The following CRACD variants were observed in gnomAD, a reference collection of about 807,000 sequenced individuals.
CRACD encodes the protein capping protein inhibiting regulator of actin dynamics.
In CRACD, 56 loss-of-function variants were observed where a neutral mutation model predicts 106.8. The ratio of observed to expected loss-of-function variants is 0.52; its 90% CI spans 0.42 to 0.66. CRACD has a LOEUF of 0.66. CRACD is among the 30% of genes least tolerant of loss of function. The pLI, the probability that CRACD is intolerant of heterozygous loss-of-function variation, is 0.00. For missense variants in CRACD, 1,730 were observed against 1,623.2 expected, an observed-to-expected ratio of 1.07 and a Z score of -1.13; for synonymous variants, 754 against 670.8, an observed-to-expected ratio of 1.12 and a Z score of -1.92.
At chr4:56,088,723 T>C (rs981218782) in intron 1 of CRACD, among the ~76,000 whole-genome samples, 12 of 152,186 alleles carry the variant, frequency 7.9e-5, no homozygotes, top group African/African-American at 2.6e-4. Flanking sequence ...AATTATATAC[T>C]GTACTTTTTT....
chr4:56,144,465 G>A (rs183718077), intron 1 of CRACD, among the ~76,000 whole-genome samples: 18 of 152,160 alleles, frequency 1.2e-4, no homozygotes, highest in South Asian at 6.2e-4. Context: ...GAGGATAACC[G>A]GAAGCTCTCA....
intron 1 of CRACD, among the ~76,000 whole-genome samples, chr4:56,125,735 G>A (rs975208809): frequency 3.9e-5 from 5 of 126,906 alleles, no homozygotes; most frequent in Non-Finnish European, 6.9e-5. Flanking sequence ...AATTTTTAAT[G>A]TTTATAATCT....
chr4:56,109,259 G>A (rs1357609881), intron 1 of CRACD, among the ~76,000 whole-genome samples: 1 of 152,218 alleles, frequency 6.6e-6, no homozygotes, highest in Non-Finnish European at 1.5e-5. Context: ...AATATTAAAA[G>A]CTAATGATTA....
intron 1 of CRACD, among the ~76,000 whole-genome samples, chr4:56,049,601 TCTC>T (rs1731799573): frequency 6.6e-6 from 1 of 152,068 alleles, no homozygotes. Context: ...TCGCCTGCCT[TCTC>T]CTCTTCCCGC....
At chr4:56,243,673 T>G (rs1010201317) in intron 2 of CRACD, among the ~76,000 whole-genome samples, 15 of 152,200 alleles carry the variant, frequency 9.9e-5, no homozygotes, top group African/African-American at 3.1e-4. Flanking sequence ...TATATATTTT[T>G]GGGGTACATA....
Position 56,314,848 on chromosome 4 carries a change from G to A in CRACD, c.1346G>A (p.Gly449Asp), listed in dbSNP as rs773657838. The A allele has an allele frequency of 6.2e-7, 1 of 1,611,794 alleles. No individual in the cohort carries two copies. The highest frequency in any genetic ancestry group is 8.5e-7 in the Non-Finnish European group (1 of 1,179,478). The change falls in exon 8 of 11, where the codon GGT becomes GAT. Residue 449 changes from glycine to aspartate, a missense_variant. Physicochemically the swap from Gly to Asp is moderately conservative, Grantham distance 94. Around this residue, in one of 5 missense-constraint regions of CRACD, gnomAD observed 1,620 missense variants for 1,481.6 expected, o/e 1.09. Coordinates refer to ENST00000682029, the MANE Select transcript of CRACD (RefSeq NM_001393381.1). The surrounding 1 kb of genome is among the most constrained non-coding windows in gnomAD (Gnocchi z 4.4). ...CAAAGAGAACACTCCGAGGAGCCAG[G>A]TATTTGCGAGGAGCAGAACCCAGAG... ...EGQREHSEEP[G>D]ICEEQNPEAE...
chr4:56,152,231 A>G (rs1735607255), intron 1 of CRACD, among the ~76,000 whole-genome samples: 1 of 150,472 alleles, frequency 6.6e-6, no homozygotes, highest in Admixed American at 6.6e-5. Flanking sequence ...GTTAGCCAGG[A>G]TGGTCTCGAT....
intron 3 of CRACD, among the ~76,000 whole-genome samples, chr4:56,287,966 G>A (rs939484064): frequency 6.6e-6 from 1 of 152,170 alleles, no homozygotes; most frequent in Non-Finnish European, 1.5e-5. Flanking sequence ...AATTGACTAA[G>A]CCTATTCAAA....
chr4:56,158,775 C>A (rs1735845501), intron 1 of CRACD, among the ~76,000 whole-genome samples: 1 of 152,184 alleles, frequency 6.6e-6, no homozygotes, highest in Non-Finnish European at 1.5e-5. Flanking sequence ...AGGATCCTGG[C>A]TGAATTCTGA....
intron 2 of CRACD, among the ~76,000 whole-genome samples, chr4:56,235,236 G>T (rs536418358): frequency 2.6e-4 from 39 of 152,312 alleles, no homozygotes; most frequent in African/African-American, 8.4e-4. Context: ...GGGGGTGTTT[G>T]TCAAGTCAGA....
At chr4:56,213,000 C>T (rs368922468) in intron 2 of CRACD, among the ~76,000 whole-genome samples, 40 of 146,862 alleles carry the variant, frequency 2.7e-4, no homozygotes, top group Middle Eastern at 6.8e-3. Flanking sequence ...GAGAGCTTAC[C>T]GTGCCCCAGT....
Position 56,214,681 on chromosome 4 carries a change from C to CTCTCTCTCTCTCTA in CRACD, c.-189+35252_-189+35253insCTCTCTCTCTCTAT. 8.8e-4 allele frequency among the ~76,000 whole-genome samples: 71 copies of CTCTCTCTCTCTCTA among 80,994 alleles called. 2 individuals are homozygous for CTCTCTCTCTCTCTA. In the South Asian group the frequency reaches 0.011, roughly 13 times the overall value. 53.1% of individuals were successfully genotyped at this position (80,994 alleles called of 152,430 possible). Reference sequence around the variant, plus strand: ...TCTCTCTCTCTCTCTCTCTCTCTCTCTATATATATATATATCAAACAGTTA... The same window carrying CTCTCTCTCTCTCTA: ...TCTCTCTCTCTCTCTCTCTCTCTCTCTCTCTCTCTCTCTATATATATATATATATCAAACAGTTA... On this transcript the variant is annotated intron_variant, in intron 2 of 10. Transcript: ENST00000682029.
At chr4:56,280,612 G>T (rs1332290667) in intron 3 of CRACD, among the ~76,000 whole-genome samples, 1 of 151,148 alleles carries the variant, frequency 6.6e-6, no homozygotes, top group African/African-American at 2.5e-5. Flanking sequence ...CACATAGCAG[G>T]TATTCAGTAA....
At chr4:56,141,682 A>ATTTTTT (rs1171920777) in intron 1 of CRACD, among the ~76,000 whole-genome samples, 42 of 82,678 alleles carry the variant, frequency 5.1e-4, no homozygotes, top group African/African-American at 9.5e-4. Flanking sequence ...AGGAAGTACT[A>ATTTTTT]TTTTTTTTTT....
intron 1 of CRACD, among the ~76,000 whole-genome samples, chr4:56,058,028 G>C (rs1320068987): frequency 6.7e-6 from 1 of 149,858 alleles, no homozygotes; most frequent in Non-Finnish European, 1.5e-5. Context: ...CATCATGTTG[G>C]CCAGGCTGGT....
chr4:56,228,955 G>A (rs1157441677), intron 2 of CRACD, among the ~76,000 whole-genome samples: 2 of 152,184 alleles, frequency 1.3e-5, no homozygotes, highest in South Asian at 2.1e-4. Context: ...CAAACGACAA[G>A]TACATATCAC....
In CRACD at chr4:56,279,346, C is replaced by T. The variant is rs966633733; in HGVS notation, c.-17+6854C>T. 4.6e-5 allele frequency among the ~76,000 whole-genome samples: 7 copies of T among 152,102 alleles called. No homozygotes were observed. The East Asian group carries it at 9.6e-4, about 21-fold the overall frequency. On this transcript the variant is annotated intron_variant, in intron 3 of 10. Coordinates refer to ENST00000682029, the MANE Select transcript of CRACD (RefSeq NM_001393381.1). The stretch of plus-strand genomic sequence containing the variant: ...TCTGCACAGCAAAAGAAACTACCAT[C>T]GGAGTGAACAGGCAACCTACAACAT...
chr4:56,307,730 C>G (rs777890410), intron 5 of CRACD, 31 bp downstream of exon 5: 1 of 1,610,966 alleles, frequency 6.2e-7, no homozygotes, highest in East Asian at 2.2e-5. Flanking sequence ...GACTTGATGG[C>G]TCATAAACCA....
chr4:56,273,433 T>C (rs1266973593), intron 3 of CRACD, among the ~76,000 whole-genome samples: 1 of 148,218 alleles, frequency 6.7e-6, no homozygotes. Context: ...CTTCCTTCCT[T>C]CCTTCTTTCT....
Sources: allele counts gnomAD v4.1 joint callset (sites outside exome capture counted in the v4.1 genomes callset), GRCh38; gene constraint gnomAD v4.1.1; regional missense constraint gnomAD v4.1.1; non-coding constraint Gnocchi (gnomAD v3.1); transcripts MANE v1.5; gene names NCBI Gene and HGNC (gene_info 2026-07-23, HGNC 2026-07-21).